Variants in ARPC4 observed in about 807,000 individuals in gnomAD.
ARPC4 encodes the protein actin-related protein 2/3 complex subunit 4.
Under a neutral mutation model 22.8 loss-of-function variants are expected in ARPC4, and 3 were observed. The ratio of observed to expected loss-of-function variants is 0.13; its 90% CI spans 0.06 to 0.34. The LOEUF is 0.34. ARPC4 is among the 10% of genes least tolerant of loss of function. The pLI, the probability that ARPC4 is intolerant of heterozygous loss-of-function variation, is 1.00. For synonymous variants in ARPC4, 80 were observed against 72.5 expected, an observed-to-expected ratio of 1.10 and a Z score of -0.52; for missense variants, 98 against 211.0, an observed-to-expected ratio of 0.46 and a Z score of 3.32.
intron 1 of ARPC4, among the ~76,000 whole-genome samples, chr3:9,795,429 C>T (rs1265072117): frequency 6.6e-6 from 1 of 152,156 alleles, no homozygotes; most frequent in Non-Finnish European, 1.5e-5. Flanking sequence ...CATGCAGCTG[C>T]AGTCATGAAC....
At chr3:9,798,119 T>TC in intron 2 of ARPC4, 1 of 175,556 alleles carries the variant, frequency 5.7e-6, no homozygotes, top group Non-Finnish European at 1.2e-5. Context: ...TCCATACTTT[T>TC]CTTTTTTTTT....
upstream of ARPC4, chr3:9,793,057 A>C (rs1575314843): frequency 6.5e-7 from 1 of 1,544,772 alleles, no homozygotes. Context: ...CTTCTCGCGA[A>C]AGGGCAGGCA....
At chr3:9,797,593 TAG>T in intron 1 of ARPC4, 64 bp from the exon 2 acceptor site, 1 of 1,553,732 alleles carries the variant, frequency 6.4e-7, no homozygotes, top group Non-Finnish European at 8.8e-7. Context: ...GGAGCTGGAA[TAG>T]GGGATCGGTG....
At chr3:9,800,141 C>T in intron 2 of ARPC4, 44 bp from the exon 3 acceptor site, 1 of 1,602,988 alleles carries the variant, frequency 6.2e-7, no homozygotes. Flanking sequence ...TCTGACTATT[C>T]TATCCCTCTG....
chr3:9,801,966 C>A (rs1261736446), intron 4 of ARPC4, among the ~76,000 whole-genome samples: 1 of 152,022 alleles, frequency 6.6e-6, no homozygotes, highest in Non-Finnish European at 1.5e-5. Flanking sequence ...AAGAGCCGGG[C>A]GTGGTGGCTC....
chr3:9,806,360 T>A lies in ARPC4; in HGVS notation c.*145T>A. On this transcript the variant is annotated 3_prime_UTR_variant, in exon 6 of 6. Coordinates refer to ENST00000397261, the MANE Select transcript of ARPC4 (RefSeq NM_005718.5). ...TGATGCGGGAGGTGGGTGGTGTGCT[T>A]GCTAGCTGGGCAAGAAAGCAGCAGT... is the stretch of plus-strand genomic sequence containing the variant. 4 of 945,706 alleles carry A rather than the reference T, an allele frequency of 4.2e-6. No homozygotes were observed. The highest frequency in any genetic ancestry group is 6.9e-6 in the Non-Finnish European group (4 of 582,936). 58.6% of individuals were successfully genotyped at this position (945,706 alleles called of 1,614,324 possible). A position where few individuals can be genotyped will look rare whatever the true frequency, so the allele number is the denominator to read the frequency against.
Position 9,795,192 on chromosome 3 carries a change from GT to G in ARPC4, c.3+2072del, listed in dbSNP as rs1308023910. 2.8e-4 allele frequency among the ~76,000 whole-genome samples: 43 copies of G among 152,058 alleles called. 1 individual carries two copies. Among genetic ancestry groups the G allele is most frequent in the Admixed American group, 8.5e-4 (13 of 15,262 alleles). On this transcript the variant is annotated intron_variant, in intron 1 of 5. Coordinates refer to ENST00000397261, the MANE Select transcript of ARPC4 (RefSeq NM_005718.5). ...TTTTTGTATTTTTAGTAGAGACGGG[GT>G]TTTGCCATGTTGGCCAGGCTGGTCT...
chr3:9,806,049 C>G (rs2079100645), intron 5 of ARPC4, among the ~76,000 whole-genome samples, 161 bp from the exon 6 acceptor site: 1 of 152,238 alleles, frequency 6.6e-6, no homozygotes, highest in South Asian at 2.1e-4. Context: ...CTTCTGAAAG[C>G]TGGCTGAATT....
intron 2 of ARPC4, 130 bp downstream of exon 2, chr3:9,797,907 A>G (rs938756117): frequency 4.1e-6 from 4 of 981,134 alleles, no homozygotes; most frequent in Non-Finnish European, 5.9e-6. Context: ...TCTTGCTGCC[A>G]GCTGAATGGT....
chr3:9,799,289 TTGAG>T (rs1385719863), intron 2 of ARPC4, among the ~76,000 whole-genome samples: 4 of 152,334 alleles, frequency 2.6e-5, no homozygotes, highest in South Asian at 2.1e-4. Context: ...CCTGTACAGG[TTGAG>T]TATCTCTTAT....
chr3:9,795,455 C>T (rs1044665340), intron 1 of ARPC4, among the ~76,000 whole-genome samples: 1 of 152,180 alleles, frequency 6.6e-6, no homozygotes, highest in Admixed American at 6.5e-5. Flanking sequence ...CCTCAGAAAG[C>T]CCCAGTAGTT....
chr3:9,802,611 G>A (rs1442135344), intron 4 of ARPC4, among the ~76,000 whole-genome samples: 2 of 150,948 alleles, frequency 1.3e-5, no homozygotes, highest in African/African-American at 2.4e-5. Context: ...TCCTGACCTC[G>A]TGATCTGCCT....
upstream of ARPC4, chr3:9,792,951 A>G: frequency 7.1e-7 from 1 of 1,412,522 alleles, no homozygotes; most frequent in Non-Finnish European, 9.2e-7. Context: ...CCTAGGTGGA[A>G]AACTTCCGGA....
At chr3:9,806,098 C>T (rs1225576819) in intron 5 of ARPC4, 112 bp from the exon 6 acceptor site, 9 of 1,266,250 alleles carry the variant, frequency 7.1e-6, no homozygotes, top group South Asian at 1.2e-5. Flanking sequence ...CCAACTCTGC[C>T]CCTCACAGAT....
chr3:9,794,778 G>T (rs867217240), intron 1 of ARPC4, among the ~76,000 whole-genome samples: 2 of 151,860 alleles, frequency 1.3e-5, no homozygotes, highest in Admixed American at 6.6e-5. Context: ...TTTGTAATCA[G>T]TCCTCTCCTT....
At chr3:9,805,813 G>C (rs1160492387) in intron 5 of ARPC4, among the ~76,000 whole-genome samples, 1 of 152,192 alleles carries the variant, frequency 6.6e-6, no homozygotes, top group Non-Finnish European at 1.5e-5. Flanking sequence ...TGACACAAAA[G>C]TACCAGAACC....
intron 2 of ARPC4, chr3:9,797,994 T>A (rs2078930481): frequency 1.8e-6 from 1 of 547,758 alleles, no homozygotes; most frequent in Non-Finnish European, 3.2e-6. Context: ...CAAGATTGGT[T>A]AACACAAGGT....
In ARPC4 at chr3:9,803,392, G is replaced by C. The variant is rs142876339; in HGVS notation, c.331-451G>C. 6.6e-4 allele frequency: 269 copies of C among 406,622 alleles called. 4 individuals are homozygous for C. The East Asian group carries it at 0.016, about 25-fold the overall frequency. 25.2% of individuals were successfully genotyped at this position (406,622 alleles called of 1,614,324 possible). ...ATTCTGAGCCAAATTTTCTCTCCTGGTCCTAGATCTAACCTCTGGGGCCAC... is the reference window on the plus strand; with the variant it reads ...ATTCTGAGCCAAATTTTCTCTCCTGCTCCTAGATCTAACCTCTGGGGCCAC... On this transcript the variant is annotated intron_variant, in intron 4 of 5. Coordinates refer to ENST00000397261, the MANE Select transcript of ARPC4 (RefSeq NM_005718.5).
chr3:9,799,073 G>A (rs2125642970), intron 2 of ARPC4, among the ~76,000 whole-genome samples: 1 of 152,232 alleles, frequency 6.6e-6, no homozygotes, highest in South Asian at 2.1e-4. Context: ...TAGCAGTTTA[G>A]AGACACCACA....
Sources: allele counts gnomAD v4.1 joint callset (sites outside exome capture counted in the v4.1 genomes callset), GRCh38; gene constraint gnomAD v4.1.1; transcripts MANE v1.5; gene names NCBI Gene and HGNC (gene_info 2026-07-23, HGNC 2026-07-21).